JCAD: variants seen among roughly 807,000 people sequenced by gnomAD.
The protein encoded by JCAD is junctional cadherin 5-associated protein.
A neutral mutation model predicts 98.0 loss-of-function variants in JCAD; 40 were observed. That is an observed-to-expected ratio of 0.41 (90% CI 0.32 to 0.53). The LOEUF is 0.53. Among genes scored for constraint, JCAD ranks in the 20% least tolerant of loss-of-function variants. JCAD has a pLI of 0.31. For synonymous variants in JCAD, 691 were observed against 682.3 expected, an observed-to-expected ratio of 1.01 and a Z score of -0.20; for missense variants, 1,705 against 1,738.1, an observed-to-expected ratio of 0.98 and a Z score of 0.34.
At chr10:30,022,446 G>T (rs1362352799) in intron 3 of JCAD, among the ~76,000 whole-genome samples, 1 of 152,142 alleles carries the variant, frequency 6.6e-6, no homozygotes, top group Non-Finnish European at 1.5e-5. Flanking sequence ...ACATCAAAAG[G>T]AAAGCAAAGT....
intron 1 of JCAD, among the ~76,000 whole-genome samples, chr10:30,086,783 A>G (rs1413868424): frequency 6.6e-6 from 1 of 152,364 alleles, no homozygotes; most frequent in East Asian, 1.9e-4. Flanking sequence ...AAATGCTCCT[A>G]TACCTTTTAT....
Position 30,026,688 on chromosome 10 carries a change from T to C in JCAD, c.3460A>G (p.Thr1154Ala). 1 of 1,613,520 alleles carries C rather than the reference T, an allele frequency of 6.2e-7. No homozygotes were observed. Among genetic ancestry groups the C allele is most frequent in the East Asian group, 2.2e-5 (1 of 44,864 alleles). ...AFYGRRKCGW[T>A]KSPLFVGDRD... ...TCCCCTACAAAGAGAGGGCTCTTGG[T>C]CCAGCCGCACTTCCTCCTGCCATAA... is the stretch of plus-strand genomic sequence containing the variant. The change falls in exon 3 of 4, where the codon ACC becomes GCC. Residue 1154 changes from threonine (T) to alanine (A), a missense_variant. Thr to Ala is a moderately conservative substitution (Grantham distance 58). Coordinates refer to ENST00000375377, the MANE Select transcript of JCAD (RefSeq NM_020848.4).
intron 1 of JCAD, among the ~76,000 whole-genome samples, chr10:30,088,461 C>A (rs757122355): frequency 1.3e-5 from 2 of 152,040 alleles, no homozygotes; most frequent in Non-Finnish European, 2.9e-5. Flanking sequence ...GCAGAGAGAT[C>A]GGTCAGCTTA....
chr10:30,031,750 ATTTTTTT>A (rs1177691710), intron 2 of JCAD, among the ~76,000 whole-genome samples: 8 of 63,370 alleles, frequency 1.3e-4, no homozygotes, highest in South Asian at 5.6e-4. Context: ...CCCCATCTGT[ATTTTTTT>A]TTTTTTTTTT....
chr10:30,077,199 T>C (rs1161037966), intron 1 of JCAD, among the ~76,000 whole-genome samples: 1 of 152,136 alleles, frequency 6.6e-6, no homozygotes, highest in East Asian at 1.9e-4. Flanking sequence ...CAGAAGATGG[T>C]ATTGGGAACA....
In JCAD at chr10:30,015,466, C is replaced by G. The variant is rs1223064588; in HGVS notation, c.*2417G>C. On this transcript the variant is annotated 3_prime_UTR_variant, in exon 4 of 4. Coordinates refer to ENST00000375377, the MANE Select transcript of JCAD (RefSeq NM_020848.4). ...TAAACTTTTCAAGTTACCTTCCCCC[C>G]AAAAAAGATTTACATGTAGGCTTAA... The G allele has an allele frequency of 6.6e-6, 1 of 152,026 alleles. No homozygotes were observed. The highest frequency in any genetic ancestry group is 1.5e-5 in the Non-Finnish European group (1 of 67,992). The allele number at this position is 152,026 out of a possible 1,614,324, so 9.4% of individuals were successfully genotyped here. A position where few individuals can be genotyped will look rare whatever the true frequency, so the allele number is the denominator to read the frequency against.
intron 1 of JCAD, among the ~76,000 whole-genome samples, chr10:30,048,429 G>A (rs1427045191): frequency 6.6e-6 from 1 of 152,160 alleles, no homozygotes; most frequent in Non-Finnish European, 1.5e-5. Context: ...GCAACTGCCA[G>A]GGCAGCCACC....
In JCAD at chr10:30,028,503, C is replaced by T. The variant is rs372900356; in HGVS notation, c.1645G>A (p.Glu549Lys). ...RQVSSPYSQG[E>K]STCETQTKLK... is the part of the protein sequence containing the mutation. Reference sequence around the variant, plus strand: ...TTGGTTTGAGTTTCGCAGGTGCTCTCGCCCTGTGAGTAAGGGGAGGAAACT... The same window carrying T: ...TTGGTTTGAGTTTCGCAGGTGCTCTTGCCCTGTGAGTAAGGGGAGGAAACT... Residue 549 changes from glutamate (E) to lysine (K), a missense_variant, in exon 3 of 4, where the codon GAG (glutamate) becomes AAG (lysine). Physicochemically the swap from Glu to Lys is moderately conservative, Grantham distance 56. Transcript: ENST00000375377. 8.7e-6 allele frequency: 14 copies of T among 1,614,112 alleles called. No homozygotes were observed. Among genetic ancestry groups the T allele is most frequent in the South Asian group, 7.7e-5 (7 of 91,086 alleles).
intron 1 of JCAD, among the ~76,000 whole-genome samples, chr10:30,055,752 G>C (rs994699223): frequency 1.3e-5 from 2 of 152,216 alleles, no homozygotes; most frequent in Non-Finnish European, 2.9e-5. Context: ...TGGAAAACTT[G>C]TGTCTAAGAT....
chr10:30,110,661 T>C (rs569134273), intron 1 of JCAD, among the ~76,000 whole-genome samples: 237 of 151,808 alleles, frequency 1.6e-3, no homozygotes, highest in African/African-American at 5.6e-3. Flanking sequence ...CCAGCTGATG[T>C]ATGGGCCAGG....
At chr10:30,051,888 T>C (rs780918829) in intron 1 of JCAD, among the ~76,000 whole-genome samples, 20 of 152,182 alleles carry the variant, frequency 1.3e-4, no homozygotes, top group Admixed American at 6.5e-4. Context: ...AATAGAAATA[T>C]AGAAACTGAA....
chr10:30,025,104 G>A (rs986196460), intron 3 of JCAD, among the ~76,000 whole-genome samples: 1 of 152,144 alleles, frequency 6.6e-6, no homozygotes, highest in African/African-American at 2.4e-5. Flanking sequence ...AGAAAGGGGT[G>A]GGAGGAGCAG....
At chr10:30,114,852 T>TAGATAGATAGATAGAC (rs1279419899) in intron 1 of JCAD, among the ~76,000 whole-genome samples, 1 of 151,426 alleles carries the variant, frequency 6.6e-6, no homozygotes, top group Non-Finnish European at 1.5e-5. Context: ...GATAGATAGA[T>TAGATAGATAGATAGAC]AGATGATAGA....
chr10:30,091,283 T>C (rs1589714831), intron 1 of JCAD, among the ~76,000 whole-genome samples: 1 of 152,172 alleles, frequency 6.6e-6, no homozygotes, highest in Non-Finnish European at 1.5e-5. Context: ...AAAACAAGGC[T>C]GAGAGGATAA....
chr10:30,022,291 C>T (rs536874237), intron 3 of JCAD, among the ~76,000 whole-genome samples: 1 of 152,210 alleles, frequency 6.6e-6, no homozygotes, highest in East Asian at 1.9e-4. Flanking sequence ...ATGGCATGGC[C>T]TTGTGTTACA....
At position 30,031,900 on chromosome 10, in the gene JCAD, G is replaced by A. The variant is rs1455624989; in HGVS notation, c.282-2034C>T. ...CTCCCAAGTAGCTGGGACTACAGGC[G>A]CCCGCCACTACGCCCGGCTAATTTT... On this transcript the variant is annotated intron_variant, in intron 2 of 3. Coordinates refer to ENST00000375377, the MANE Select transcript of JCAD (RefSeq NM_020848.4). Among the ~76,000 whole-genome samples, 12 of 149,938 alleles carry A rather than the reference G, an allele frequency of 8.0e-5. No individual in the cohort carries two copies. The East Asian group carries it at 9.9e-4, about 12-fold the overall frequency.
At chr10:30,101,842 A>C (rs1289418964) in intron 1 of JCAD, among the ~76,000 whole-genome samples, 1 of 152,208 alleles carries the variant, frequency 6.6e-6, no homozygotes, top group African/African-American at 2.4e-5. Flanking sequence ...TTATCCACTC[A>C]TTCACTTAGA....
chr10:30,042,982 C>T (rs905859366), intron 2 of JCAD, among the ~76,000 whole-genome samples: 2 of 152,192 alleles, frequency 1.3e-5, no homozygotes, highest in Non-Finnish European at 2.9e-5. Flanking sequence ...TGGCCCAACA[C>T]GTTAACATGT....
At chr10:30,045,218 C>T (rs938290370) in intron 2 of JCAD, among the ~76,000 whole-genome samples, 5 of 152,104 alleles carry the variant, frequency 3.3e-5, no homozygotes, top group Admixed American at 2.6e-4. Context: ...ACACTGCCCA[C>T]ACAGAATTCT....
Sources: allele counts gnomAD v4.1 joint callset (sites outside exome capture counted in the v4.1 genomes callset), GRCh38; gene constraint gnomAD v4.1.1; transcripts MANE v1.5; gene names NCBI Gene and HGNC (gene_info 2026-07-23, HGNC 2026-07-21).